ZC2HC1A: variants seen among roughly 807,000 people sequenced by gnomAD.
ZC2HC1A encodes the protein zinc finger C2HC domain-containing protein 1A.
Under a neutral mutation model 40.7 loss-of-function variants are expected in ZC2HC1A, and 28 were observed. The observed-to-expected ratio is 0.69, with a 90% CI of 0.51 to 0.94. ZC2HC1A has a LOEUF of 0.94. Among genes scored for constraint, ZC2HC1A ranks in the 40% least tolerant of loss-of-function variants. The probability of loss-of-function intolerance (pLI) is 0.00; values close to 1 mark genes in which losing one functional copy is unlikely to be tolerated. For synonymous variants in ZC2HC1A, 129 were observed against 129.2 expected (o/e 1.00, Z 0.01); for missense variants, 389 against 386.3 (o/e 1.01, Z -0.06).
intron 6 of ZC2HC1A, among the ~76,000 whole-genome samples, chr8:78,698,030 T>C (rs966265047): frequency 5.3e-5 from 8 of 152,166 alleles, no homozygotes; most frequent in African/African-American, 1.7e-4. Context: ...GATGTTGTTA[T>C]TGATGTCATC....
chr8:78,702,580 CTT>C (rs1450178743), intron 7 of ZC2HC1A, among the ~76,000 whole-genome samples: 1 of 152,052 alleles, frequency 6.6e-6, no homozygotes, highest in Non-Finnish European at 1.5e-5. Flanking sequence ...ATCTTTCTAA[CTT>C]TTGATGTGGG....
intron 4 of ZC2HC1A, among the ~76,000 whole-genome samples, chr8:78,686,961 T>C (rs1810000204): frequency 6.6e-6 from 1 of 152,170 alleles, no homozygotes; most frequent in South Asian, 2.1e-4. Flanking sequence ...CATATAATTA[T>C]GTTGCCTGGT....
chr8:78,681,916 CT>C (rs1033212677), intron 3 of ZC2HC1A, among the ~76,000 whole-genome samples: 1 of 81,394 alleles, frequency 1.2e-5, no homozygotes. Flanking sequence ...TTTTTTTTTT[CT>C]TTTTTTTGAG....
chr8:78,697,581 T>C (rs1227717434), intron 6 of ZC2HC1A, 75 bp downstream of exon 6: 1 of 998,406 alleles, frequency 1.0e-6, no homozygotes, highest in Non-Finnish European at 1.5e-6. Flanking sequence ...GATAGTGGTC[T>C]ATTCTGGAAT....
chr8:78,681,901 CT>C (rs56181953), intron 3 of ZC2HC1A, among the ~76,000 whole-genome samples: 71,148 of 126,328 alleles, frequency 0.56, 15,445 homozygotes, highest in East Asian at 0.74. Flanking sequence ...CTTTTTCTTT[CT>C]TTTTTTTTTT....
chr8:78,674,374 G>A (rs942775479), intron 1 of ZC2HC1A, among the ~76,000 whole-genome samples: 5 of 152,126 alleles, frequency 3.3e-5, no homozygotes, highest in South Asian at 2.1e-4. Context: ...AAAGGAATAC[G>A]TTAAAACTAT....
chr8:78,676,060 A>T (rs983893378), intron 2 of ZC2HC1A, 197 bp downstream of exon 2: 1 of 403,218 alleles, frequency 2.5e-6, no homozygotes, highest in Non-Finnish European at 4.4e-6. Context: ...TGGTCTTCAG[A>T]ACTCTTCTGT....
chr8:78,677,300 A>G (rs1323006932), intron 2 of ZC2HC1A, among the ~76,000 whole-genome samples: 1 of 152,096 alleles, frequency 6.6e-6, no homozygotes, highest in Non-Finnish European at 1.5e-5. Context: ...GACAGCTTCC[A>G]TTCTAATGTC....
chr8:78,681,504 A>C (rs1347004949), intron 3 of ZC2HC1A, among the ~76,000 whole-genome samples: 1 of 152,158 alleles, frequency 6.6e-6, no homozygotes, highest in Non-Finnish European at 1.5e-5. Context: ...ATTTATATTA[A>C]TCAGAGAAGT....
intron 7 of ZC2HC1A, among the ~76,000 whole-genome samples, chr8:78,708,524 A>G (rs1810851948): frequency 6.6e-6 from 1 of 151,962 alleles, no homozygotes; most frequent in Admixed American, 6.5e-5. Flanking sequence ...TTAAAAAAAC[A>G]AAAACAAAAA....
intron 3 of ZC2HC1A, among the ~76,000 whole-genome samples, chr8:78,686,244 T>C (rs527375934): frequency 1.3e-5 from 2 of 152,278 alleles, no homozygotes; most frequent in Admixed American, 6.5e-5. Context: ...GGCAGTTTAG[T>C]AGTGTCTTTC....
intron 2 of ZC2HC1A, among the ~76,000 whole-genome samples, chr8:78,676,387 T>A (rs1809580079): frequency 6.6e-6 from 1 of 151,970 alleles, no homozygotes; most frequent in Non-Finnish European, 1.5e-5. Flanking sequence ...ACACCTAAAA[T>A]TTATTATGCA....
intron 7 of ZC2HC1A, among the ~76,000 whole-genome samples, chr8:78,700,405 G>A (rs1810561878): frequency 6.6e-6 from 1 of 151,864 alleles, no homozygotes; most frequent in South Asian, 2.1e-4. Flanking sequence ...CTGGGTATTA[G>A]ACTTTTGTTG....
chr8:78,709,473 C>T (rs1305399132), intron 7 of ZC2HC1A, among the ~76,000 whole-genome samples: 1 of 152,060 alleles, frequency 6.6e-6, no homozygotes, highest in African/African-American at 2.4e-5. Flanking sequence ...TTCCAGACCT[C>T]GGTTTCTTAT....
At chr8:78,670,657 GA>G (rs2130411268) in intron 1 of ZC2HC1A, among the ~76,000 whole-genome samples, 1 of 152,252 alleles carries the variant, frequency 6.6e-6, no homozygotes, top group African/African-American at 2.4e-5. Flanking sequence ...AACTTATTAA[GA>G]AAAGCAAGTC....
chr8:78,674,373 C>T (rs932894469), intron 1 of ZC2HC1A, among the ~76,000 whole-genome samples: 1 of 152,104 alleles, frequency 6.6e-6, no homozygotes, highest in Non-Finnish European at 1.5e-5. Flanking sequence ...TAAAGGAATA[C>T]GTTAAAACTA....
chr8:78,672,852 C>T (rs1809473325), intron 1 of ZC2HC1A, among the ~76,000 whole-genome samples: 1 of 151,990 alleles, frequency 6.6e-6, no homozygotes, highest in Non-Finnish European at 1.5e-5. Flanking sequence ...CTAAAGAAAA[C>T]ATTATAATGT....
At chr8:78,684,032 A>T (rs1312463823) in intron 3 of ZC2HC1A, among the ~76,000 whole-genome samples, 3 of 152,184 alleles carry the variant, frequency 2.0e-5, no homozygotes, top group Non-Finnish European at 4.4e-5. Flanking sequence ...GGTCAAAACC[A>T]TTCAACAAGT....
At chr8:78,705,376 T>G (rs1053847897) in intron 7 of ZC2HC1A, among the ~76,000 whole-genome samples, 31 of 152,192 alleles carry the variant, frequency 2.0e-4, no homozygotes, top group African/African-American at 7.5e-4. Context: ...ACTAGTCACC[T>G]TGGATTTTTC....
Sources: gnomAD v4.1 joint callset for allele counts (sites outside exome capture counted in the v4.1 genomes callset) on GRCh38, gnomAD v4.1.1 for gene constraint, MANE v1.5 for transcripts, NCBI Gene and HGNC (gene_info 2026-07-23, HGNC 2026-07-21) for gene names.